The following TLL1 variants were observed in gnomAD, a reference collection of about 807,000 sequenced individuals.
The protein encoded by TLL1 is tolloid like 1, also known as tolloid-like protein 1.
In TLL1, 49 loss-of-function variants were observed where a neutral mutation model predicts 128.2. The ratio of observed to expected loss-of-function variants is 0.38; its 90% CI spans 0.30 to 0.48. TLL1 has a LOEUF of 0.48. Among genes scored for constraint, TLL1 ranks in the 20% least tolerant of loss-of-function variants. The pLI is 0.96. For missense variants in TLL1, 1,123 were observed against 1,242.0 expected, an observed-to-expected ratio of 0.90 and a Z score of 1.44; for synonymous variants, 454 against 418.8, an observed-to-expected ratio of 1.08 and a Z score of -1.03.
chr4:165,966,151 C>A (rs1393783715), intron 1 of TLL1, among the ~76,000 whole-genome samples: 1 of 140,470 alleles, frequency 7.1e-6, no homozygotes, highest in Admixed American at 7.6e-5. Flanking sequence ...GCACTCCAGC[C>A]TGGACAACAG....
chr4:166,007,555 C>G (rs1737495469), intron 6 of TLL1, among the ~76,000 whole-genome samples: 1 of 151,452 alleles, frequency 6.6e-6, no homozygotes. Flanking sequence ...TTTTGTATGA[C>G]CTGGAAAACC....
intron 5 of TLL1, among the ~76,000 whole-genome samples, chr4:165,996,097 T>G (rs1223699796): frequency 2.0e-5 from 3 of 152,160 alleles, no homozygotes; most frequent in African/African-American, 7.2e-5. Flanking sequence ...CCTTTTCTTA[T>G]CAGTGGAAAT....
At chr4:165,992,708 AT>A (rs1736702188) in intron 2 of TLL1, 95 bp from the exon 3 acceptor site, 20 of 1,152,908 alleles carry the variant, frequency 1.7e-5, no homozygotes, top group Non-Finnish European at 2.5e-5. Context: ...CACATAAAAA[AT>A]GACCAAAGAG....
Position 165,993,145 on chromosome 4 carries a change from C to T in TLL1, c.361+261C>T, listed in dbSNP as rs73863517. Among the ~76,000 whole-genome samples, 554 of 151,936 alleles carry T rather than the reference C, an allele frequency of 3.6e-3. 5 individuals carry two copies. The highest frequency in any genetic ancestry group is 0.012 in the African/African-American group (516 of 41,488). ...TCAGGTGTTTATTTTATTATTGATA[C>T]TTATTTCCAGGCAATTCAGCATCAC... On this transcript the variant is annotated intron_variant, in intron 3 of 20. Transcript: ENST00000061240.
chr4:165,960,942 A>G (rs1201674509), intron 1 of TLL1, among the ~76,000 whole-genome samples: 1 of 152,106 alleles, frequency 6.6e-6, no homozygotes, highest in Non-Finnish European at 1.5e-5. Flanking sequence ...CACCATTCCT[A>G]CTTGAACATG....
chr4:165,966,674 C>T (rs1420192676), intron 1 of TLL1, among the ~76,000 whole-genome samples: 1 of 152,072 alleles, frequency 6.6e-6, no homozygotes, highest in Non-Finnish European at 1.5e-5. Context: ...CGTGACGTCC[C>T]TTGAGCTGCA....
intron 1 of TLL1, among the ~76,000 whole-genome samples, chr4:165,897,889 T>C (rs1731759683): frequency 6.6e-6 from 1 of 152,156 alleles, no homozygotes; most frequent in South Asian, 2.1e-4. Flanking sequence ...TTTGATTGTG[T>C]CCTCTTTTAT....
At chr4:166,043,469 A>G (rs750516455) in intron 12 of TLL1, 50 bp downstream of exon 12, 1 of 1,611,256 alleles carries the variant, frequency 6.2e-7, no homozygotes, top group Admixed American at 1.7e-5. Flanking sequence ...ATAAACGACA[A>G]TGGCATTTAA....
At chr4:165,884,873 A>C (rs1315572970) in intron 1 of TLL1, among the ~76,000 whole-genome samples, 1 of 152,002 alleles carries the variant, frequency 6.6e-6, no homozygotes, top group Admixed American at 6.6e-5. Flanking sequence ...AAAATAAATA[A>C]AATTTCAACT....
intron 1 of TLL1, among the ~76,000 whole-genome samples, chr4:165,885,216 A>G (rs896420166): frequency 6.6e-6 from 1 of 152,126 alleles, no homozygotes; most frequent in Admixed American, 6.5e-5. Context: ...TGTTGCCCTC[A>G]GGACATCCTT....
intron 1 of TLL1, among the ~76,000 whole-genome samples, chr4:165,937,502 TTTAA>T (rs1383756120): frequency 2.6e-5 from 4 of 152,180 alleles, no homozygotes; most frequent in Non-Finnish European, 5.9e-5. Flanking sequence ...CCTACTACTT[TTTAA>T]TTGTCAGAGC....
At chr4:165,914,887 C>A (rs1732710064) in intron 1 of TLL1, among the ~76,000 whole-genome samples, 1 of 152,174 alleles carries the variant, frequency 6.6e-6, no homozygotes, top group South Asian at 2.1e-4. Context: ...AAAATATAAT[C>A]TAGAACAAAG....
At chr4:166,038,440 G>A (rs1169737147) in intron 9 of TLL1, among the ~76,000 whole-genome samples, 1 of 151,712 alleles carries the variant, frequency 6.6e-6, no homozygotes, top group Non-Finnish European at 1.5e-5. Flanking sequence ...TGAGCCTTAA[G>A]CATCTCAGAT....
rs182314596 is a variant in TLL1 at position 166,102,528 on chromosome 4, A to G, written c.*1652A>G. 5 of 152,364 alleles carry G rather than the reference A, an allele frequency of 3.3e-5. No individual in the cohort carries two copies. The highest frequency in any genetic ancestry group is 1.3e-4 in the Admixed American group (2 of 15,228). The allele number at this position is 152,364 out of a possible 1,614,324, so 9.4% of individuals were successfully genotyped here. A position where few individuals can be genotyped will look rare whatever the true frequency, so the allele number is the denominator to read the frequency against. ...TAATGGGAACTTCTAATTTTGATCAATCCCATTAAAAAAAGGCTCTTTCCT... is the reference window on the plus strand; with the variant it reads ...TAATGGGAACTTCTAATTTTGATCAGTCCCATTAAAAAAAGGCTCTTTCCT... On this transcript the variant is annotated 3_prime_UTR_variant, in exon 21 of 21. Coordinates refer to ENST00000061240, the MANE Select transcript of TLL1 (RefSeq NM_012464.5).
At chr4:165,927,813 G>T (rs745686109) in intron 1 of TLL1, among the ~76,000 whole-genome samples, 1 of 152,152 alleles carries the variant, frequency 6.6e-6, no homozygotes, top group Non-Finnish European at 1.5e-5. Context: ...AGCCCTCCAC[G>T]ACAAAGAAAT....
intron 1 of TLL1, among the ~76,000 whole-genome samples, chr4:165,885,630 A>G (rs905420764): frequency 6.6e-6 from 1 of 152,202 alleles, no homozygotes; most frequent in African/African-American, 2.4e-5. Context: ...GTAGCAAGGT[A>G]TGTGAGAATA....
intron 12 of TLL1, among the ~76,000 whole-genome samples, chr4:166,045,742 T>C (rs1739436804): frequency 6.6e-6 from 1 of 152,108 alleles, no homozygotes; most frequent in Non-Finnish European, 1.5e-5. Flanking sequence ...CGTCTCGCCC[T>C]CTTTCTCTTT....
intron 19 of TLL1, among the ~76,000 whole-genome samples, chr4:166,092,103 A>G (rs893058159): frequency 8.5e-5 from 13 of 152,132 alleles, no homozygotes; most frequent in African/African-American, 3.1e-4. Flanking sequence ...ACCTAGTGGC[A>G]TTGCTGATGC....
At chr4:166,075,545 C>T (rs1164182324) in intron 17 of TLL1, among the ~76,000 whole-genome samples, 1 of 152,186 alleles carries the variant, frequency 6.6e-6, no homozygotes, top group Non-Finnish European at 1.5e-5. Flanking sequence ...CAATCATACC[C>T]TACCAGATTT....
Sources: gnomAD v4.1 joint callset for allele counts (sites outside exome capture counted in the v4.1 genomes callset) on GRCh38, gnomAD v4.1.1 for gene constraint, MANE v1.5 for transcripts, NCBI Gene and HGNC (gene_info 2026-07-23, HGNC 2026-07-21) for gene names.